The following SLCO4A1 variants were observed in gnomAD, a reference collection of about 807,000 sequenced individuals.
SLCO4A1 encodes the protein colon organic anion transporter.
Under a neutral mutation model 64.6 loss-of-function variants are expected in SLCO4A1, and 51 were observed. That is an observed-to-expected ratio of 0.79 (90% CI 0.63 to 1.00). SLCO4A1 has a LOEUF of 1.00. Among genes scored for constraint, SLCO4A1 ranks in the 50% least tolerant of loss-of-function variants. The pLI, the probability that SLCO4A1 is intolerant of heterozygous loss-of-function variation, is 0.00. For synonymous variants in SLCO4A1, 471 were observed against 444.9 expected (o/e 1.06, Z -0.74); for missense variants, 919 against 980.5 (o/e 0.94, Z 0.84).
At chr20:62,665,940 C>G (rs955144085) in intron 6 of SLCO4A1, 3 of 163,660 alleles carry the variant, frequency 1.8e-5, no homozygotes, top group Non-Finnish European at 2.7e-5. Flanking sequence ...ACTCAGGCTT[C>G]GACAAATGTC....
At chr20:62,662,325 G>A (rs1385948274) in intron 5 of SLCO4A1, among the ~76,000 whole-genome samples, 2 of 152,116 alleles carry the variant, frequency 1.3e-5, no homozygotes, top group Non-Finnish European at 2.9e-5. Flanking sequence ...CCAGGACTTG[G>A]GAACATCGTG....
chr20:62,648,169 T>G (rs1981738949), intron 1 of SLCO4A1, among the ~76,000 whole-genome samples: 1 of 152,180 alleles, frequency 6.6e-6, no homozygotes, highest in African/African-American at 2.4e-5. Context: ...CCCCCCTTCC[T>G]CCCCTGCGGG....
chr20:62,655,845 G>C (rs1292199219), intron 1 of SLCO4A1, among the ~76,000 whole-genome samples: 2 of 152,206 alleles, frequency 1.3e-5, no homozygotes, highest in Non-Finnish European at 2.9e-5. Context: ...AGAGCTGCCG[G>C]GTGTGAACTT....
Position 62,668,550 on chromosome 20 carries a change from C to T in SLCO4A1, c.1876+9C>T, listed in dbSNP as rs1391048415. 1.2e-6 allele frequency: 2 copies of T among 1,610,188 alleles called. No homozygotes were observed. The highest frequency in any genetic ancestry group is 8.5e-7 in the Non-Finnish European group (1 of 1,176,620). On this transcript the variant is annotated intron_variant, in intron 10 of 11. Transcript: ENST00000217159. Reference sequence around the variant, plus strand: ...TGTAGTTAGAATACTAGGTACTGTGCAGTGTGAGGAAGCCATGGTCAGTTG... The same window carrying T: ...TGTAGTTAGAATACTAGGTACTGTGTAGTGTGAGGAAGCCATGGTCAGTTG...
intron 9 of SLCO4A1, 132 bp downstream of exon 9, chr20:62,668,316 C>A: frequency 8.0e-7 from 1 of 1,251,418 alleles, no homozygotes; most frequent in Non-Finnish European, 1.2e-6. Context: ...TCACTGGTGG[C>A]AGGAGAGACC....
rs145483845 is a variant in SLCO4A1, at chr20:62,651,007, C to T, written c.-96-5352C>T. ...GACGTATCCATGTGAGGTCTTGGTA[C>T]AATCCTGGAAACTTCCTTTGGGAAA... is the stretch of plus-strand genomic sequence containing the variant. On this transcript the variant is annotated intron_variant, in intron 1 of 11. Coordinates refer to ENST00000217159, the MANE Select transcript of SLCO4A1 (RefSeq NM_016354.4). Among the ~76,000 whole-genome samples, 69 of 152,304 alleles carry T rather than the reference C, an allele frequency of 4.5e-4. No individual in the cohort carries two copies. The Middle Eastern group carries it at 0.01, about 23-fold the overall frequency.
intron 2 of SLCO4A1, among the ~76,000 whole-genome samples, chr20:62,658,300 G>A (rs1476503604): frequency 2.0e-5 from 3 of 152,228 alleles, no homozygotes; most frequent in East Asian, 3.9e-4. Context: ...CCGGCCTGTG[G>A]GAGAGTGAGC....
At chr20:62,650,403 C>G (rs760236888) in intron 1 of SLCO4A1, 1 of 152,250 alleles carries the variant, frequency 6.6e-6, no homozygotes, top group Non-Finnish European at 1.5e-5. Context: ...CCTTCCAGCC[C>G]CTGAAACTCC....
Position 62,685,257 on chromosome 20 carries a change from T to C in SLCO4A1, n.212-184T>C, listed in dbSNP as rs946466385. On this transcript the variant is annotated intron_variant and non_coding_transcript_variant, in intron 2 of 2. Coordinates refer to the SLCO4A1 transcript ENST00000466818. The surrounding 1 kb of genome is among the most constrained non-coding windows in gnomAD (Gnocchi z 4.6). ...GGGTGTGGGGGCAGGAGGAGGGGGG[T>C]GGTGGGGAGTGGGGGCTGGGTCGGG... Among the ~76,000 whole-genome samples the C allele has an allele frequency of 2.0e-4, 2 of 10,144 alleles. No individual in the cohort carries two copies. The highest frequency in any genetic ancestry group is 3.9e-4 in the Non-Finnish European group (2 of 5,094). 6.7% of individuals were successfully genotyped at this position (10,144 alleles called of 152,430 possible). A position where few individuals can be genotyped will look rare whatever the true frequency, so the allele number is the denominator to read the frequency against.
At chr20:62,652,410 T>TCGGCGGC (rs375245093) in intron 1 of SLCO4A1, among the ~76,000 whole-genome samples, 3 of 152,100 alleles carry the variant, frequency 2.0e-5, no homozygotes, top group East Asian at 1.9e-4. Flanking sequence ...GCTTTCTGTT[T>TCGGCGGC]CGGCGGCCGG....
At chr20:62,676,614 A>T (rs1319586227), downstream of SLCO4A1, among the ~76,000 whole-genome samples, 1 of 152,234 alleles carries the variant, frequency 6.6e-6, no homozygotes, top group African/African-American at 2.4e-5. Context: ...TCAAAAACAA[A>T]AGCAACAAAC....
intron 2 of SLCO4A1, among the ~76,000 whole-genome samples, chr20:62,684,033 C>T (rs1452997916): frequency 6.7e-4 from 36 of 53,448 alleles, no homozygotes; most frequent in African/African-American, 2.3e-3. Flanking sequence ...CCCACACACG[C>T]TCACGCAACG....
At chr20:62,674,710 T>TG (rs1441684155), downstream of SLCO4A1, among the ~76,000 whole-genome samples, 1 of 152,098 alleles carries the variant, frequency 6.6e-6, no homozygotes, top group East Asian at 1.9e-4. Flanking sequence ...CCCAGTGTGA[T>TG]GGTGTTAAGA....
Position 62,656,852 on chromosome 20 carries a change from GC to G in SLCO4A1, c.400del (p.Arg134AlafsTer148). On this transcript the variant is annotated frameshift_variant, in exon 2 of 12. Transcript: ENST00000217159. LOFTEE classifies it high-confidence loss of function. ...AACACAGTCATCACCTCCCTGGAGC[GC>G]CGCTATGACCTGCACAGCTACCAGA... ...FINTVITSLE[R>X]RYDLHSYQSG... The G allele has an allele frequency of 6.2e-7, 1 of 1,606,666 alleles. No homozygotes were observed. Among genetic ancestry groups the G allele is most frequent in the Non-Finnish European group, 8.5e-7 (1 of 1,175,590 alleles).
In SLCO4A1 at chr20:62,671,875, G is replaced by C; in HGVS notation, c.2151G>C (p.Gln717His). Reference sequence around the variant, plus strand: ...CCCCTGACAGTGCCACAGATAGCCAGCTCCAGAGCAGCGTCTGACCACCGC... The same window carrying C: ...CCCCTGACAGTGCCACAGATAGCCACCTCCAGAGCAGCGTCTGACCACCGC... ...SSAPDSATDS[Q>H]LQSSV The change falls in exon 12 of 12, where the codon CAG (glutamine) becomes CAC (histidine). Residue 717 changes from glutamine to histidine, a missense_variant. Gln to His is a conservative substitution (Grantham distance 24, BLOSUM62 0). Transcript: ENST00000217159. The C allele has an allele frequency of 1.2e-6, 2 of 1,612,416 alleles. No individual in the cohort carries two copies. The highest frequency in any genetic ancestry group is 2.2e-5 in the South Asian group (2 of 91,084).
At chr20:62,653,917 C>T (rs1202455677) in intron 1 of SLCO4A1, among the ~76,000 whole-genome samples, 1 of 151,774 alleles carries the variant, frequency 6.6e-6, no homozygotes, top group Non-Finnish European at 1.5e-5. Flanking sequence ...GGAGGGATAG[C>T]ATTAGGAGAT....
At chr20:62,672,316 T>C, downstream of SLCO4A1, 1 of 1,062,512 alleles carries the variant, frequency 9.4e-7, no homozygotes, top group Non-Finnish European at 1.1e-6. Context: ...GCGTGCTTTA[T>C]TTCTATGAGT....
downstream of SLCO4A1, among the ~76,000 whole-genome samples, chr20:62,686,366 G>T (rs113259065): frequency 1.3e-5 from 2 of 152,164 alleles, no homozygotes; most frequent in Admixed American, 1.3e-4. Flanking sequence ...CGTGGAGCTC[G>T]CAGTTCTTCT....
In SLCO4A1 at chr20:62,661,011, C is replaced by G; in HGVS notation, c.1010-53C>G. The G allele has an allele frequency of 8.8e-7, 1 of 1,138,304 alleles. No homozygotes were observed. Among genetic ancestry groups the G allele is most frequent in the East Asian group, 2.6e-5 (1 of 39,146 alleles). The allele number at this position is 1,138,304 out of a possible 1,614,324, so 70.5% of individuals were successfully genotyped here. A position where few individuals can be genotyped will look rare whatever the true frequency, so the allele number is the denominator to read the frequency against. On this transcript the variant is annotated intron_variant, in intron 4 of 11. Coordinates refer to ENST00000217159, the MANE Select transcript of SLCO4A1 (RefSeq NM_016354.4). The surrounding 1 kb of genome is among the most constrained non-coding windows in gnomAD (Gnocchi z 5.2). ...GGGGCAGAGCCTCTCTCGGAGAAGT[C>G]CACCTCCGGGAGCCCCCAGCCCCCA... is the stretch of plus-strand genomic sequence containing the variant.
Sources: gnomAD v4.1 joint callset for allele counts (sites outside exome capture counted in the v4.1 genomes callset) on GRCh38, gnomAD v4.1.1 for gene constraint, Gnocchi (gnomAD v3.1) non-coding constraint, MANE v1.5 for transcripts, NCBI Gene and HGNC (gene_info 2026-07-23, HGNC 2026-07-21) for gene names.